Variants in ZC3HC1 observed in about 807,000 individuals in gnomAD.
ZC3HC1 encodes the protein zinc finger C3HC-type containing 1, also known as zinc finger C3HC-type protein 1.
A neutral mutation model predicts 61.9 loss-of-function variants in ZC3HC1; 38 were observed. That is an observed-to-expected ratio of 0.61 (90% CI 0.47 to 0.81). The LOEUF is 0.81. ZC3HC1 is among the 30% of genes least tolerant of loss of function. The pLI, the probability that ZC3HC1 is intolerant of heterozygous loss-of-function variation, is 0.00. For missense variants in ZC3HC1, 554 were observed against 622.7 expected (o/e 0.89, Z 1.17); for synonymous variants, 213 against 229.9 (o/e 0.93, Z 0.67).
chr7:130,040,451 A>G (rs987486822), intron 3 of ZC3HC1, among the ~76,000 whole-genome samples: 1 of 132,990 alleles, frequency 7.5e-6, no homozygotes, highest in Non-Finnish European at 1.5e-5. Flanking sequence ...CCAAGATCGC[A>G]CCACTGCACT....
rs541905875 is a variant in ZC3HC1 at position 130,042,568 on chromosome 7, A to G, written c.259-1467T>C. Reference sequence around the variant, plus strand: ...CTCCAAAATTTGATTGCTAGTATCAATGGGGATGTGTGAGAATGTGTTTTA... The same window carrying G: ...CTCCAAAATTTGATTGCTAGTATCAGTGGGGATGTGTGAGAATGTGTTTTA... On this transcript the variant is annotated intron_variant, in intron 2 of 9. Transcript: ENST00000358303. Among the ~76,000 whole-genome samples the G allele has an allele frequency of 9.2e-5, 14 of 152,314 alleles. No individual in the cohort carries two copies. The South Asian group carries it at 2.5e-3, about 27-fold the overall frequency.
Position 130,018,435 on chromosome 7 carries a change from C to A in ZC3HC1, c.*229G>T. The A allele has an allele frequency of 2.1e-6, 1 of 480,622 alleles. No homozygotes were observed. Among genetic ancestry groups the A allele is most frequent in the Non-Finnish European group, 3.7e-6 (1 of 266,934 alleles). 29.8% of individuals were successfully genotyped at this position (480,622 alleles called of 1,614,324 possible). On this transcript the variant is annotated 3_prime_UTR_variant, in exon 10 of 10. Coordinates refer to ENST00000358303, the MANE Select transcript of ZC3HC1 (RefSeq NM_016478.5). ...GTCTGTTAATCCCACACTCCTTTAA[C>A]AGAACCATGCTTGCTGCCCTTACCC...
At chr7:130,031,624 C>G (rs1794199131) in intron 4 of ZC3HC1, among the ~76,000 whole-genome samples, 1 of 152,148 alleles carries the variant, frequency 6.6e-6, no homozygotes, top group East Asian at 1.9e-4. Flanking sequence ...ACCTTAAAAG[C>G]TGGGAAATGA....
At chr7:130,030,858 C>T (rs1794152372) in intron 4 of ZC3HC1, among the ~76,000 whole-genome samples, 1 of 150,326 alleles carries the variant, frequency 6.7e-6, no homozygotes, top group African/African-American at 2.4e-5. Context: ...TTAGTAGAGA[C>T]GGGGTTTCAC....
At chr7:130,019,478 G>A (rs1200391677) in intron 9 of ZC3HC1, among the ~76,000 whole-genome samples, 1 of 152,206 alleles carries the variant, frequency 6.6e-6, no homozygotes, top group African/African-American at 2.4e-5. Flanking sequence ...TAAAAACAGA[G>A]TTGAATGACC....
At chr7:130,036,657 A>G (rs1794444737) in intron 4 of ZC3HC1, 1 of 152,240 alleles carries the variant, frequency 6.6e-6, no homozygotes, top group Non-Finnish European at 1.5e-5. Context: ...TACCTTCAAA[A>G]TTATTAGTTT....
chr7:130,045,254 C>T (rs1458192221), intron 2 of ZC3HC1: 1 of 208,758 alleles, frequency 4.8e-6, no homozygotes, highest in Non-Finnish European at 1.0e-5. Flanking sequence ...TCTTTGTAAT[C>T]TCTGCAACCT....
At chr7:130,036,625 T>C (rs1692660975) in intron 4 of ZC3HC1, 1 of 152,290 alleles carries the variant, frequency 6.6e-6, no homozygotes, top group Admixed American at 6.5e-5. Context: ...CTTATAATTA[T>C]TGGCAAATGT....
At chr7:130,039,441 C>G in intron 4 of ZC3HC1, 23 bp downstream of exon 4, 1 of 1,588,824 alleles carries the variant, frequency 6.3e-7, no homozygotes, top group Non-Finnish European at 8.6e-7. Context: ...AAATGGTGAA[C>G]AGGAATTCTC....
chr7:130,026,363 A>T, intron 5 of ZC3HC1, 51 bp from the exon 6 acceptor site: 2 of 1,579,926 alleles, frequency 1.3e-6, no homozygotes, highest in Non-Finnish European at 1.7e-6. Context: ...TAAAAAGAAA[A>T]ATTACACATT....
intron 4 of ZC3HC1, among the ~76,000 whole-genome samples, chr7:130,038,879 A>AT (rs35030073): frequency 6.7e-6 from 1 of 149,814 alleles, no homozygotes; most frequent in East Asian, 2.0e-4. Context: ...AAAAAAAAAA[A>AT]CCAAAAGAAC....
intron 9 of ZC3HC1, among the ~76,000 whole-genome samples, chr7:130,019,571 C>A (rs895203097): frequency 6.6e-6 from 1 of 152,062 alleles, no homozygotes; most frequent in Non-Finnish European, 1.5e-5. Flanking sequence ...AATCGCAGTG[C>A]CATCTGATCA....
chr7:130,023,796 A>AAT lies in ZC3HC1; in HGVS notation c.1021-75_1021-74dup. The AAT allele has an allele frequency of 3.0e-6, 4 of 1,321,590 alleles. No individual in the cohort carries two copies. The highest frequency in any genetic ancestry group is 4.2e-6 in the Non-Finnish European group (4 of 962,194). 81.9% of individuals were successfully genotyped at this position (1,321,590 alleles called of 1,614,324 possible). A position where few individuals can be genotyped will look rare whatever the true frequency, so the allele number is the denominator to read the frequency against. On this transcript the variant is annotated intron_variant, in intron 7 of 9. Transcript: ENST00000358303. The surrounding 1 kb of genome is among the most constrained non-coding windows in gnomAD (Gnocchi z 4.2). ...TATGGTCAGAAATACTTCTTTCTTT[A>AAT]ATCTTTTTTCTTTTTTTTTTTGAGA...
chr7:130,039,596 A>G (rs1794567850), intron 3 of ZC3HC1, 49 bp from the exon 4 acceptor site: 1 of 1,418,160 alleles, frequency 7.1e-7, no homozygotes, highest in Non-Finnish European at 9.7e-7. Context: ...ATATAGATTC[A>G]AAATCCAATG....
chr7:130,037,938 T>C (rs1309192323), intron 4 of ZC3HC1, among the ~76,000 whole-genome samples: 2 of 152,184 alleles, frequency 1.3e-5, no homozygotes, highest in South Asian at 2.1e-4. Context: ...AGCAGGAATA[T>C]GCCTATGTGA....
intron 4 of ZC3HC1, among the ~76,000 whole-genome samples, chr7:130,034,287 T>C (rs184992261): frequency 0.029 from 4,298 of 150,756 alleles, 185 homozygotes; most frequent in African/African-American, 0.098. Flanking sequence ...AGATTGAGAC[T>C]ATCCTGGCTA....
intron 6 of ZC3HC1, among the ~76,000 whole-genome samples, chr7:130,024,745 T>C (rs1393226318): frequency 6.6e-6 from 1 of 151,890 alleles, no homozygotes; most frequent in Non-Finnish European, 1.5e-5. Context: ...TTTGCAGGCA[T>C]GTTTTAAAAG....
intron 1 of ZC3HC1, among the ~76,000 whole-genome samples, chr7:130,050,991 C>G (rs1416267630): frequency 6.6e-6 from 1 of 152,188 alleles, no homozygotes; most frequent in African/African-American, 2.4e-5. Context: ...TCTTTACTTC[C>G]AAAAATAATG....
Position 130,037,566 on chromosome 7 carries a change from C to T in ZC3HC1, c.493+1898G>A, listed in dbSNP as rs186264056. Reference sequence around the variant, plus strand: ...CAATACAGGTAAATAACTAGTAAATCCTAGCTATTTCAACAGCAGGAAATC... The same window carrying T: ...CAATACAGGTAAATAACTAGTAAATTCTAGCTATTTCAACAGCAGGAAATC... On this transcript the variant is annotated intron_variant, in intron 4 of 9. Transcript: ENST00000358303. Among the ~76,000 whole-genome samples, 349 of 152,230 alleles carry T rather than the reference C, an allele frequency of 2.3e-3. 1 individual carries two copies. Among genetic ancestry groups the T allele is most frequent in the Non-Finnish European group, 2.8e-3 (192 of 68,018 alleles).
Sources: allele counts gnomAD v4.1 joint callset (sites outside exome capture counted in the v4.1 genomes callset), GRCh38; gene constraint gnomAD v4.1.1; non-coding constraint Gnocchi (gnomAD v3.1); transcripts MANE v1.5; gene names NCBI Gene and HGNC (gene_info 2026-07-23, HGNC 2026-07-21).